INPP4B: variants seen among roughly 807,000 people sequenced by gnomAD.
INPP4B encodes inositol polyphosphate 4-phosphatase type II.
In INPP4B, 55 loss-of-function variants were observed where a neutral mutation model predicts 122.5. That is an observed-to-expected ratio of 0.45 (90% confidence interval 0.36 to 0.56). The LOEUF (loss-of-function observed/expected upper bound fraction) is 0.56, where lower values mean the gene tolerates loss of function less well. INPP4B is among the 20% of genes least tolerant of loss of function. The pLI, the probability that INPP4B is intolerant of heterozygous loss-of-function variation, is 0.00. For synonymous variants in INPP4B, 403 were observed against 388.7 expected, an observed-to-expected ratio of 1.04 and a Z score of -0.43; for missense variants, 1,000 against 1,097.7, an observed-to-expected ratio of 0.91 and a Z score of 1.26.
chr4:142,566,869 A>G (rs1321623775), intron 2 of INPP4B, among the ~76,000 whole-genome samples: 1 of 152,200 alleles, frequency 6.6e-6, no homozygotes, highest in African/African-American at 2.4e-5. Flanking sequence ...ATTTTTTAAA[A>G]AAGCAAAAGA....
chr4:142,142,150 C>G (rs1808186589), intron 18 of INPP4B, among the ~76,000 whole-genome samples: 1 of 151,894 alleles, frequency 6.6e-6, no homozygotes, highest in African/African-American at 2.4e-5. Context: ...AATCAATTCA[C>G]TAATTAATTG....
At chr4:142,505,578 T>G (rs191109189) in intron 2 of INPP4B, among the ~76,000 whole-genome samples, 14 of 152,254 alleles carry the variant, frequency 9.2e-5, no homozygotes, top group African/African-American at 3.1e-4. Flanking sequence ...AATTAAACTG[T>G]TTAGCACACT....
intron 6 of INPP4B, 148 bp downstream of exon 6, chr4:142,405,058 C>T: frequency 3.5e-6 from 2 of 577,252 alleles, no homozygotes; most frequent in Non-Finnish European, 6.1e-6. Context: ...TGCAGCATTG[C>T]TACAGACTAT....
chr4:142,358,250 T>G (rs984020206), intron 7 of INPP4B, among the ~76,000 whole-genome samples: 1 of 151,996 alleles, frequency 6.6e-6, no homozygotes, highest in African/African-American at 2.4e-5. Flanking sequence ...TGAGGAATTT[T>G]TTAAAAATAC....
chr4:142,192,962 T>C (rs989928882), intron 15 of INPP4B, 125 bp downstream of exon 15: 9 of 565,874 alleles, frequency 1.6e-5, no homozygotes, highest in Non-Finnish European at 1.9e-5. Flanking sequence ...AACAACTCTA[T>C]GTTACTAAAT....
chr4:142,638,305 T>C (rs1194060025), intron 2 of INPP4B, among the ~76,000 whole-genome samples: 1 of 152,170 alleles, frequency 6.6e-6, no homozygotes, highest in Non-Finnish European at 1.5e-5. Flanking sequence ...TGCTCACTTC[T>C]AGGCATTTTA....
intron 5 of INPP4B, among the ~76,000 whole-genome samples, chr4:142,416,349 C>T (rs541536444): frequency 1.3e-3 from 197 of 152,160 alleles, no homozygotes; most frequent in Non-Finnish European, 2.3e-3. Context: ...CTGGGTTTTA[C>T]CAAATCCTGA....
chr4:142,545,709 G>A (rs77420232), intron 2 of INPP4B, among the ~76,000 whole-genome samples: 96 of 106,926 alleles, frequency 9.0e-4, no homozygotes, highest in African/African-American at 3.7e-3. Context: ...GTATATATAT[G>A]TGTGTGTATA....
chr4:142,688,188 A>G (rs1234852815), intron 2 of INPP4B, among the ~76,000 whole-genome samples: 3 of 152,166 alleles, frequency 2.0e-5, no homozygotes, highest in African/African-American at 4.8e-5. Flanking sequence ...AGAATCAACT[A>G]CATAATAAAT....
intron 25 of INPP4B, among the ~76,000 whole-genome samples, chr4:142,053,658 A>G (rs911441960): frequency 4.6e-5 from 7 of 152,038 alleles, no homozygotes; most frequent in Admixed American, 3.3e-4. Context: ...ATTAACCTGA[A>G]TCTCCCAATT....
At chr4:142,447,690 G>A (rs962802013) in intron 3 of INPP4B, among the ~76,000 whole-genome samples, 2 of 152,164 alleles carry the variant, frequency 1.3e-5, no homozygotes, top group Non-Finnish European at 2.9e-5. Context: ...TGGAGGACCA[G>A]GAGTTTGAAC....
intron 1 of INPP4B, among the ~76,000 whole-genome samples, chr4:142,841,990 T>G (rs1422686641): frequency 6.6e-6 from 1 of 151,868 alleles, no homozygotes. Context: ...GATTGATAGA[T>G]AGATCGATAG....
chr4:142,582,701 G>A (rs1390367788), intron 2 of INPP4B, among the ~76,000 whole-genome samples: 1 of 152,076 alleles, frequency 6.6e-6, no homozygotes, highest in Non-Finnish European at 1.5e-5. Flanking sequence ...TCATGAAATG[G>A]GCATGGGCCA....
intron 7 of INPP4B, among the ~76,000 whole-genome samples, chr4:142,401,752 A>G (rs13130104): frequency 0.027 from 4,105 of 152,328 alleles, 84 homozygotes; most frequent in Non-Finnish European, 0.038. Context: ...TCCCAAAGCC[A>G]GTATATGGAA....
intron 2 of INPP4B, among the ~76,000 whole-genome samples, chr4:142,552,166 G>A (rs1728128737): frequency 6.6e-6 from 1 of 152,092 alleles, no homozygotes; most frequent in Admixed American, 6.5e-5. Flanking sequence ...AATGCTTTTG[G>A]CAGAAAACCA....
At chr4:142,066,456 C>T (rs372798175) in intron 25 of INPP4B, among the ~76,000 whole-genome samples, 12 of 152,258 alleles carry the variant, frequency 7.9e-5, no homozygotes, top group Admixed American at 1.3e-4. Flanking sequence ...GCTGGACCCA[C>T]GTGTGGAGTT....
chr4:142,608,956 C>T (rs940692506), intron 2 of INPP4B, among the ~76,000 whole-genome samples: 9 of 152,222 alleles, frequency 5.9e-5, no homozygotes, highest in Middle Eastern at 3.4e-3. Context: ...TGCTCATCCT[C>T]GATTTAGAGG....
chr4:142,681,615 G>A (rs1292600813), intron 2 of INPP4B, among the ~76,000 whole-genome samples: 1 of 151,756 alleles, frequency 6.6e-6, no homozygotes, highest in Admixed American at 6.6e-5. Context: ...ACAGAGGAAG[G>A]GAAGAAAGAA....
In INPP4B at chr4:142,771,425, A is replaced by G. The variant is rs766107408; in HGVS notation, c.-253-45524T>C. Among the ~76,000 whole-genome samples, 61 of 152,154 alleles carry G rather than the reference A, an allele frequency of 4.0e-4. 1 individual carries two copies. The highest frequency in any genetic ancestry group is 3.9e-4 in the Admixed American group (6 of 15,266). On this transcript the variant is annotated intron_variant, in intron 1 of 25. Transcript: ENST00000262992. ...TATGGAGAACCAATTTTAGGGAAGT[A>G]ATAATGAAGGCAGGTAGACCAATCA... is the stretch of plus-strand genomic sequence containing the variant.
Sources: gnomAD v4.1 joint callset for allele counts (sites outside exome capture counted in the v4.1 genomes callset) on GRCh38, gnomAD v4.1.1 for gene constraint, MANE v1.5 for transcripts, NCBI Gene and HGNC (gene_info 2026-07-23, HGNC 2026-07-21) for gene names.